FAM135B: variants seen among roughly 807,000 people sequenced by gnomAD.
The protein encoded by FAM135B is protein FAM135B.
In FAM135B, 43 loss-of-function variants were observed where a neutral mutation model predicts 127.7. That is an observed-to-expected ratio of 0.34 (90% confidence interval 0.26 to 0.43). The LOEUF is 0.43. Ranked by LOEUF, FAM135B falls within the 20% of genes least tolerant of loss-of-function variation. The pLI is 1.00. For synonymous variants in FAM135B, 670 were observed against 665.1 expected (o/e 1.01, Z -0.11); for missense variants, 1,558 against 1,725.6 (o/e 0.90, Z 1.72).
intron 1 of FAM135B, among the ~76,000 whole-genome samples, chr8:138,380,170 T>C (rs1189355598): frequency 2.0e-5 from 3 of 152,002 alleles, no homozygotes; most frequent in African/African-American, 7.3e-5. Context: ...TATGGGTTTC[T>C]TTCTTTTTTT....
intron 1 of FAM135B, among the ~76,000 whole-genome samples, chr8:138,399,074 A>T (rs2131356778): frequency 6.6e-6 from 1 of 152,264 alleles, no homozygotes; most frequent in South Asian, 2.1e-4. Flanking sequence ...AATAATATAT[A>T]TTTTTAAGAC....
intron 1 of FAM135B, among the ~76,000 whole-genome samples, chr8:138,445,830 AG>A (rs1460130878): frequency 6.6e-6 from 1 of 152,180 alleles, no homozygotes; most frequent in Non-Finnish European, 1.5e-5. Context: ...AAAGAAATAA[AG>A]GGTATTCAGT....
chr8:138,138,850 A>G, intron 18 of FAM135B, 136 bp downstream of exon 18: 1 of 615,236 alleles, frequency 1.6e-6, no homozygotes, highest in Non-Finnish European at 2.9e-6. Context: ...CAATGAGCCA[A>G]AGAGGCTTTG....
intron 1 of FAM135B, among the ~76,000 whole-genome samples, chr8:138,382,784 C>A (rs113517311): frequency 1.3e-5 from 2 of 152,136 alleles, no homozygotes; most frequent in African/African-American, 2.4e-5. Context: ...AAAACAATAA[C>A]GCTTTCATGC....
chr8:138,327,693 GGA>G (rs1184484344), intron 2 of FAM135B, among the ~76,000 whole-genome samples: 1 of 152,152 alleles, frequency 6.6e-6, no homozygotes, highest in Non-Finnish European at 1.5e-5. Context: ...AAGGAATGAT[GGA>G]CTAGTCCCTG....
intron 1 of FAM135B, among the ~76,000 whole-genome samples, chr8:138,395,955 C>A (rs188288975): frequency 6.6e-6 from 1 of 152,212 alleles, no homozygotes; most frequent in South Asian, 2.1e-4. Context: ...ATGAATTACT[C>A]GGCTGCTATC....
intron 3 of FAM135B, among the ~76,000 whole-genome samples, chr8:138,266,286 G>T (rs1039632683): frequency 2.0e-5 from 3 of 151,974 alleles, no homozygotes; most frequent in Non-Finnish European, 2.9e-5. Context: ...CTTCTCAAAG[G>T]TGCTGCTTGC....
At chr8:138,384,113 A>T (rs1484279289) in intron 1 of FAM135B, among the ~76,000 whole-genome samples, 1 of 152,212 alleles carries the variant, frequency 6.6e-6, no homozygotes, top group East Asian at 1.9e-4. Context: ...AGCCACATGG[A>T]CACAATCTCA....
intron 3 of FAM135B, among the ~76,000 whole-genome samples, chr8:138,281,721 A>G (rs1480152630): frequency 2.0e-5 from 3 of 151,940 alleles, no homozygotes; most frequent in East Asian, 1.9e-4. Context: ...CCCCACTCCA[A>G]TGTCACTTTC....
chr8:138,242,925 C>A lies in FAM135B; in HGVS notation c.669+17G>T, dbSNP rs528383019. On this transcript the variant is annotated intron_variant, in intron 7 of 19. Coordinates refer to ENST00000395297, the MANE Select transcript of FAM135B (RefSeq NM_015912.4). The surrounding 1 kb of genome is among the most constrained non-coding windows in gnomAD (Gnocchi z 9.6). Reference sequence around the variant, plus strand: ...AAGTTTGAAAGTTTTGAAGCAACTGCCCCACACAGGCCTTACCTCTGAGGA... The same window carrying A: ...AAGTTTGAAAGTTTTGAAGCAACTGACCCACACAGGCCTTACCTCTGAGGA... 5.0e-6 allele frequency: 8 copies of A among 1,605,576 alleles called. No individual in the cohort carries two copies. In the African/African-American group the frequency reaches 8.1e-5, roughly 16 times the overall value.
chr8:138,226,153 G>A (rs966447939), intron 7 of FAM135B, among the ~76,000 whole-genome samples: 7 of 92,190 alleles, frequency 7.6e-5, no homozygotes, highest in Non-Finnish European at 1.8e-4. Flanking sequence ...GACCCACCGT[G>A]TGTGTGTGTG....
At chr8:138,465,483 T>C (rs1837336047) in intron 1 of FAM135B, among the ~76,000 whole-genome samples, 2 of 152,220 alleles carry the variant, frequency 1.3e-5, no homozygotes, top group South Asian at 4.1e-4. Context: ...TTTTCACTGA[T>C]GGAGCTGCCT....
In FAM135B at chr8:138,241,881, A is replaced by G. The variant is rs1820806854; in HGVS notation, c.669+1061T>C. Among the ~76,000 whole-genome samples, 1 of 152,216 alleles carries G rather than the reference A, an allele frequency of 6.6e-6. No homozygotes were observed. Among genetic ancestry groups the G allele is most frequent in the African/African-American group, 2.4e-5 (1 of 41,460 alleles). On this transcript the variant is annotated intron_variant, in intron 7 of 19. Transcript: ENST00000395297. This position sits in a 1 kb window ranked among gnomAD's most constrained non-coding sequence, Gnocchi z 4.8. Reference sequence around the variant, plus strand: ...GCAGATAGCCCTCTCCAACATGAATAGGCCTTATCCAATCCATTGAGGGCC... The same window carrying G: ...GCAGATAGCCCTCTCCAACATGAATGGGCCTTATCCAATCCATTGAGGGCC...
At chr8:138,273,023 A>G (rs1432473467) in intron 3 of FAM135B, among the ~76,000 whole-genome samples, 1 of 152,186 alleles carries the variant, frequency 6.6e-6, no homozygotes, top group Non-Finnish European at 1.5e-5. Flanking sequence ...GAGATGACCT[A>G]TGAAAGTACC....
At chr8:138,346,603 T>C (rs1472251108) in intron 2 of FAM135B, among the ~76,000 whole-genome samples, 1 of 151,880 alleles carries the variant, frequency 6.6e-6, no homozygotes, top group Non-Finnish European at 1.5e-5. Flanking sequence ...CACTTATAAG[T>C]GGGAGCTGAG....
intron 1 of FAM135B, among the ~76,000 whole-genome samples, chr8:138,383,955 C>G (rs1188621860): frequency 6.6e-6 from 1 of 152,226 alleles, no homozygotes; most frequent in Non-Finnish European, 1.5e-5. Context: ...CCCAGAGGTG[C>G]CCCTCCTCTG....
chr8:138,217,476 G>T (rs1238596183), intron 7 of FAM135B, among the ~76,000 whole-genome samples: 2 of 145,088 alleles, frequency 1.4e-5, no homozygotes, highest in Non-Finnish European at 3.0e-5. Context: ...TGTGGTCCAG[G>T]CTGGAGTGCA....
At chr8:138,488,411 T>C (rs553382712) in intron 1 of FAM135B, among the ~76,000 whole-genome samples, 68 of 151,286 alleles carry the variant, frequency 4.5e-4, no homozygotes, top group African/African-American at 1.6e-3. Context: ...AATGATATGA[T>C]AATGAATTCT....
chr8:138,480,073 C>A (rs1814715227), intron 1 of FAM135B, among the ~76,000 whole-genome samples: 1 of 152,304 alleles, frequency 6.6e-6, no homozygotes, highest in South Asian at 2.1e-4. Context: ...GGGTCAGTAA[C>A]AAACACAGCT....
Sources: allele counts gnomAD v4.1 joint callset (sites outside exome capture counted in the v4.1 genomes callset), GRCh38; gene constraint gnomAD v4.1.1; non-coding constraint Gnocchi (gnomAD v3.1); transcripts MANE v1.5; gene names NCBI Gene and HGNC (gene_info 2026-07-23, HGNC 2026-07-21).